The following ZSWIM6 variants were observed in gnomAD, a reference collection of about 807,000 sequenced individuals.
ZSWIM6 encodes the protein zinc finger SWIM domain-containing protein 6.
ZSWIM6 carries 9 observed loss-of-function variants against 113.2 expected under a neutral mutation model. The observed-to-expected ratio is 0.08, with a 90% confidence interval of 0.05 to 0.14. The LOEUF is 0.14. Among genes scored for constraint, ZSWIM6 ranks in the 10% least tolerant of loss-of-function variants. ZSWIM6 has a pLI of 1.00. For missense variants in ZSWIM6, 1,162 were observed against 1,552.2 expected (o/e 0.75, Z 4.22); for synonymous variants, 611 against 606.5 (o/e 1.01, Z -0.11).
chr5:61,404,774 GT>G (rs1275549988), intron 1 of ZSWIM6, among the ~76,000 whole-genome samples: 1 of 152,040 alleles, frequency 6.6e-6, no homozygotes, highest in Non-Finnish European at 1.5e-5. Context: ...AGAGAGGGTT[GT>G]TTTTTTGTCT....
intron 1 of ZSWIM6, among the ~76,000 whole-genome samples, chr5:61,441,792 T>G (rs1579998239): frequency 1.3e-5 from 2 of 152,310 alleles, no homozygotes; most frequent in South Asian, 2.1e-4. Flanking sequence ...ACTTATCTGT[T>G]TGACTGAGTT....
Position 61,338,521 on chromosome 5 carries a change from T to C in ZSWIM6, c.676+5573T>C, listed in dbSNP as rs145449129. 2.8e-3 allele frequency among the ~76,000 whole-genome samples: 432 copies of C among 152,350 alleles called. 4 individuals carry two copies. The highest frequency in any genetic ancestry group is 0.01 in the African/African-American group (418 of 41,584). Reference sequence around the variant, plus strand: ...GATGTTTGATTTATGTAAGTGATTTTTGAAAGTATTTCAGTATTTGATAGG... The same window carrying C: ...GATGTTTGATTTATGTAAGTGATTTCTGAAAGTATTTCAGTATTTGATAGG... On this transcript the variant is annotated intron_variant, in intron 1 of 13. Coordinates refer to ENST00000252744, the MANE Select transcript of ZSWIM6 (RefSeq NM_020928.2).
intron 1 of ZSWIM6, among the ~76,000 whole-genome samples, chr5:61,341,105 C>G (rs1053519892): frequency 1.3e-5 from 2 of 152,208 alleles, no homozygotes; most frequent in African/African-American, 4.8e-5. Context: ...CATGGTCGGC[C>G]TGTGTCTACG....
intron 1 of ZSWIM6, among the ~76,000 whole-genome samples, chr5:61,458,207 A>G (rs1747246033): frequency 6.6e-6 from 1 of 152,210 alleles, no homozygotes; most frequent in South Asian, 2.1e-4. Flanking sequence ...TAATTACAAT[A>G]AAATTCTTAA....
intron 5 of ZSWIM6, 81 bp downstream of exon 5, chr5:61,521,523 A>T (rs1010206635): frequency 5.2e-6 from 6 of 1,163,488 alleles, no homozygotes; most frequent in African/African-American, 1.6e-5. Context: ...TACAATGTAT[A>T]TGGGAAAATG....
At chr5:61,375,947 T>C in intron 1 of ZSWIM6, 1 of 637,254 alleles carries the variant, frequency 1.6e-6, no homozygotes, top group South Asian at 1.9e-5. Context: ...CTAAAATGCA[T>C]GAATTTTCTT....
intron 1 of ZSWIM6, among the ~76,000 whole-genome samples, chr5:61,366,162 C>G (rs1415595030): frequency 6.6e-6 from 1 of 152,184 alleles, no homozygotes; most frequent in African/African-American, 2.4e-5. Context: ...TCTCAAAGTG[C>G]TGGGATTACA....
chr5:61,387,986 C>CTT lies in ZSWIM6; in HGVS notation c.676+55051_676+55052dup, dbSNP rs576895905. Among the ~76,000 whole-genome samples the CTT allele has an allele frequency of 8.3e-3, 1,082 of 130,752 alleles. 23 individuals carry two copies. The highest frequency in any genetic ancestry group is 0.028 in the African/African-American group (959 of 33,982). 85.8% of individuals were successfully genotyped at this position (130,752 alleles called of 152,430 possible). A position where few individuals can be genotyped will look rare whatever the true frequency, so the allele number is the denominator to read the frequency against. On this transcript the variant is annotated intron_variant, in intron 1 of 13. Transcript: ENST00000252744. Reference sequence around the variant, plus strand: ...TATTTTACCCTTTCTCTCTCTCTCTCTTTTTTTTTTTTTTGAGATGGAGTC... The same window carrying CTT: ...TATTTTACCCTTTCTCTCTCTCTCTCTTTTTTTTTTTTTTTTGAGATGGAGTC...
rs1040946724 is a variant in ZSWIM6 at position 61,446,122 on chromosome 5, G to C, written c.677-26559G>C. Reference sequence around the variant, plus strand: ...GCTCACTGCAACCTCCACCTCCCGGGTTCAAGTGATTCTCCTGCCTCAGCC... The same window carrying C: ...GCTCACTGCAACCTCCACCTCCCGGCTTCAAGTGATTCTCCTGCCTCAGCC... On this transcript the variant is annotated intron_variant, in intron 1 of 13. Transcript: ENST00000252744. Among the ~76,000 whole-genome samples, 4 of 152,146 alleles carry C rather than the reference G, an allele frequency of 2.6e-5. No individual in the cohort carries two copies. The East Asian group carries it at 7.7e-4, about 29-fold the overall frequency.
intron 1 of ZSWIM6, chr5:61,375,497 G>C (rs1745355009): frequency 5.1e-6 from 8 of 1,556,328 alleles, no homozygotes; most frequent in Admixed American, 3.9e-5. Context: ...AAGAAACAAG[G>C]AAAACAGAGA....
intron 1 of ZSWIM6, among the ~76,000 whole-genome samples, chr5:61,379,683 T>A (rs1194848460): frequency 6.6e-6 from 1 of 152,202 alleles, no homozygotes; most frequent in East Asian, 1.9e-4. Context: ...AAATTTTATT[T>A]GCACTCACTG....
chr5:61,363,926 T>C (rs1745093618), intron 1 of ZSWIM6, among the ~76,000 whole-genome samples: 1 of 149,124 alleles, frequency 6.7e-6, no homozygotes, highest in Non-Finnish European at 1.5e-5. Context: ...TCTTCCTCCC[T>C]CCCTCTTTCT....
chr5:61,353,665 T>C (rs1481537675), intron 1 of ZSWIM6, among the ~76,000 whole-genome samples: 1 of 152,244 alleles, frequency 6.6e-6, no homozygotes, highest in Non-Finnish European at 1.5e-5. Context: ...ATATAGTACC[T>C]TCTTGTTCCT....
chr5:61,342,738 T>A (rs1041889019), intron 1 of ZSWIM6, among the ~76,000 whole-genome samples: 1 of 152,196 alleles, frequency 6.6e-6, no homozygotes, highest in Non-Finnish European at 1.5e-5. Context: ...TTTACACATA[T>A]TAGGATTTAA....
chr5:61,534,153 GC>G, intron 9 of ZSWIM6, among the ~76,000 whole-genome samples: 1 of 152,106 alleles, frequency 6.6e-6, no homozygotes, highest in Non-Finnish European at 1.5e-5. Context: ...AAATAATGTA[GC>G]CTTGGTATAT....
At chr5:61,354,441 C>T (rs55819324) in intron 1 of ZSWIM6, among the ~76,000 whole-genome samples, 18,102 of 152,158 alleles carry the variant, frequency 0.12, 1,152 homozygotes, top group Middle Eastern at 0.16. Flanking sequence ...AATAATTACT[C>T]TCTGGAGTGA....
chr5:61,496,746 G>A (rs1368643272), intron 4 of ZSWIM6, among the ~76,000 whole-genome samples: 1 of 151,960 alleles, frequency 6.6e-6, no homozygotes. Flanking sequence ...CTCCAACACC[G>A]CGCCATTACA....
intron 1 of ZSWIM6, among the ~76,000 whole-genome samples, chr5:61,353,860 G>C (rs74807749): frequency 0.05 from 7,645 of 152,272 alleles, 274 homozygotes; most frequent in South Asian, 0.18. Context: ...AGTATAACAA[G>C]CTGTGTGAGG....
intron 1 of ZSWIM6, among the ~76,000 whole-genome samples, chr5:61,378,836 G>A (rs1222683067): frequency 2.6e-5 from 4 of 151,868 alleles, no homozygotes; most frequent in Non-Finnish European, 5.9e-5. Context: ...GATTACAGGC[G>A]TGAGCCACCA....
Sources: allele counts gnomAD v4.1 joint callset (sites outside exome capture counted in the v4.1 genomes callset), GRCh38; gene constraint gnomAD v4.1.1; transcripts MANE v1.5; gene names NCBI Gene and HGNC (gene_info 2026-07-23, HGNC 2026-07-21).